The following NR6A1 variants were observed in gnomAD, a reference collection of about 807,000 sequenced individuals.
NR6A1 encodes the protein retinoic acid receptor-related testis-associated receptor.
Under a neutral mutation model 59.1 loss-of-function variants are expected in NR6A1, and 7 were observed. The observed-to-expected ratio is 0.12, with a 90% CI of 0.07 to 0.22. The LOEUF (loss-of-function observed/expected upper bound fraction) is 0.22, where lower values mean the gene tolerates loss of function less well. NR6A1 is among the 10% of genes least tolerant of loss of function. The pLI is 1.00. For missense variants in NR6A1, 468 were observed against 611.6 expected (o/e 0.77, Z 2.48); for synonymous variants, 243 against 236.1 (o/e 1.03, Z -0.27).
Position 124,682,936 on chromosome 9 carries a change from T to G in NR6A1, c.142+50372A>C, listed in dbSNP as rs138622057. ...GACTTGAATCCAAGGACTGGCACAG[T>G]GGCTCATGCCTGTAATCCCAGCATT... is the stretch of plus-strand genomic sequence containing the variant. On this transcript the variant is annotated intron_variant, in intron 2 of 9. Coordinates refer to ENST00000487099, the MANE Select transcript of NR6A1 (RefSeq NM_033334.4). Among the ~76,000 whole-genome samples the G allele has an allele frequency of 5.5e-3, 841 of 152,340 alleles. 7 individuals carry two copies. Among genetic ancestry groups the G allele is most frequent in the African/African-American group, 0.019 (799 of 41,570 alleles).
At chr9:124,555,585 C>T (rs980125256) in intron 2 of NR6A1, among the ~76,000 whole-genome samples, 9 of 152,166 alleles carry the variant, frequency 5.9e-5, no homozygotes, top group Admixed American at 1.3e-4. Flanking sequence ...CACTGCATTC[C>T]AGCCTGAGCG....
chr9:124,716,788 C>T lies in NR6A1; in HGVS notation c.142+16520G>A, dbSNP rs552662982. ...CTGGGATTACAGGCAGGCACCACCACACCCAGCTAATTTTTGTATTTTTAG... is the reference window on the plus strand; with the variant it reads ...CTGGGATTACAGGCAGGCACCACCATACCCAGCTAATTTTTGTATTTTTAG... On this transcript the variant is annotated intron_variant, in intron 2 of 9. Transcript: ENST00000487099. Among the ~76,000 whole-genome samples, 78 of 152,278 alleles carry T rather than the reference C, an allele frequency of 5.1e-4. 1 individual carries two copies. Among genetic ancestry groups the T allele is most frequent in the Non-Finnish European group, 3.1e-4 (21 of 68,024 alleles).
chr9:124,579,183 T>C (rs970530166), intron 2 of NR6A1, among the ~76,000 whole-genome samples: 6 of 152,224 alleles, frequency 3.9e-5, no homozygotes, highest in African/African-American at 1.4e-4. Context: ...CCTGGGAGGC[T>C]TAGGTGGAGG....
At chr9:124,705,241 T>C (rs544597547) in intron 2 of NR6A1, among the ~76,000 whole-genome samples, 7 of 152,342 alleles carry the variant, frequency 4.6e-5, no homozygotes, top group African/African-American at 1.7e-4. Flanking sequence ...ATATTCTTGC[T>C]AATTTCCTAT....
intron 2 of NR6A1, among the ~76,000 whole-genome samples, chr9:124,728,954 G>A (rs996429843): frequency 1.3e-5 from 2 of 152,070 alleles, no homozygotes; most frequent in African/African-American, 4.8e-5. Flanking sequence ...CAAGCAGTTT[G>A]CCTTTGTTGT....
chr9:124,591,450 C>T (rs575379884), intron 2 of NR6A1, among the ~76,000 whole-genome samples: 10 of 152,196 alleles, frequency 6.6e-5, no homozygotes, highest in Non-Finnish European at 8.8e-5. Context: ...AAGCCATATA[C>T]GTAGCCAAGT....
At chr9:124,769,461 C>A (rs1487689566) in intron 1 of NR6A1, among the ~76,000 whole-genome samples, 1 of 152,218 alleles carries the variant, frequency 6.6e-6, no homozygotes, top group Non-Finnish European at 1.5e-5. Context: ...GCTACTCACT[C>A]ATTCAACAAT....
chr9:124,703,520 T>C (rs1839029790), intron 2 of NR6A1, among the ~76,000 whole-genome samples: 1 of 152,040 alleles, frequency 6.6e-6, no homozygotes, highest in African/African-American at 2.4e-5. Context: ...TCCTACCTTT[T>C]AGTGGAATGT....
At position 124,771,256 on chromosome 9, in the gene NR6A1, G is replaced by C; in HGVS notation, c.-137C>G. 2.3e-6 allele frequency: 1 copy of C among 437,370 alleles called. No individual in the cohort carries two copies. Among genetic ancestry groups the C allele is most frequent in the Non-Finnish European group, 3.8e-6 (1 of 262,958 alleles). 27.1% of individuals were successfully genotyped at this position (437,370 alleles called of 1,614,324 possible). ...CCGGCCGCGGCTCTCTCTGGGCCCC[G>C]AGCCGCCCGGCTCCGCGCCGCTCCG... is the stretch of plus-strand genomic sequence containing the variant. On this transcript the variant is annotated 5_prime_UTR_variant, in exon 1 of 10. Coordinates refer to ENST00000487099, the MANE Select transcript of NR6A1 (RefSeq NM_033334.4).
At chr9:124,695,674 G>C (rs188269527) in intron 2 of NR6A1, among the ~76,000 whole-genome samples, 2 of 152,080 alleles carry the variant, frequency 1.3e-5, no homozygotes, top group Non-Finnish European at 2.9e-5. Flanking sequence ...CCGGCCCGAG[G>C]GGGTCTTTAT....
chr9:124,533,938 C>T (rs1472680024), intron 7 of NR6A1, among the ~76,000 whole-genome samples: 1 of 151,824 alleles, frequency 6.6e-6, no homozygotes, highest in East Asian at 1.9e-4. Context: ...GGTGAGCCAC[C>T]GCACCCGGCC....
Position 124,535,942 on chromosome 9 carries a change from G to T in NR6A1, c.1015C>A (p.Gln339Lys). The T allele has an allele frequency of 6.2e-7, 1 of 1,614,216 alleles. No individual in the cohort carries two copies. The highest frequency in any genetic ancestry group is 2.2e-5 in the East Asian group (1 of 44,886). Residue 339 changes from glutamine to lysine, a missense_variant, in exon 7 of 10, where the codon CAG becomes AAG. Physicochemically the swap from Gln to Lys is moderately conservative, Grantham distance 53. This residue lies in a region of NR6A1 where 176 missense variants were observed against 264.0 expected (regional missense o/e 0.67). Coordinates refer to ENST00000487099, the MANE Select transcript of NR6A1 (RefSeq NM_033334.4). ...LLSSLTVYSK[Q>K]IFGELADVTA... ...ACATCAGCCAGTTCCCCAAAGATCT[G>T]CTTGCTGTAAACGGTGAGGGAAGAC... is the stretch of plus-strand genomic sequence containing the variant.
intron 2 of NR6A1, among the ~76,000 whole-genome samples, chr9:124,659,237 G>A (rs1330979347): frequency 6.9e-6 from 1 of 143,952 alleles, no homozygotes; most frequent in Non-Finnish European, 1.5e-5. Context: ...CTGGCCGTTC[G>A]ATAGGCCAGC....
At chr9:124,691,105 GA>G (rs1255932218) in intron 2 of NR6A1, among the ~76,000 whole-genome samples, 1 of 152,128 alleles carries the variant, frequency 6.6e-6, no homozygotes, top group East Asian at 1.9e-4. Context: ...ATTGGACCAA[GA>G]GGAAGACTTT....
At chr9:124,736,495 T>C (rs1840023489) in intron 1 of NR6A1, among the ~76,000 whole-genome samples, 1 of 152,212 alleles carries the variant, frequency 6.6e-6, no homozygotes, top group Admixed American at 6.5e-5. Flanking sequence ...GAATTGACCC[T>C]AACTTTGTTG....
chr9:124,657,172 G>GTGCA (rs1481920839), intron 2 of NR6A1, among the ~76,000 whole-genome samples: 15 of 152,078 alleles, frequency 9.9e-5, no homozygotes, highest in Non-Finnish European at 1.8e-4. Flanking sequence ...ATATCTAATA[G>GTGCA]TGCATCAAAA....
intron 1 of NR6A1, among the ~76,000 whole-genome samples, chr9:124,754,757 G>A (rs1320872254): frequency 6.6e-6 from 1 of 152,086 alleles, no homozygotes; most frequent in Non-Finnish European, 1.5e-5. Flanking sequence ...TGGTAAACTG[G>A]TCTGCTGTAC....
At chr9:124,543,883 G>A (rs1217829358) in intron 3 of NR6A1, 26 bp from the exon 4 acceptor site, 1 of 1,609,298 alleles carries the variant, frequency 6.2e-7, no homozygotes, top group Non-Finnish European at 8.5e-7. Flanking sequence ...AGTCAAGAAA[G>A]GCAGTCAGAA....
chr9:124,585,570 G>C (rs1193789643), intron 2 of NR6A1, among the ~76,000 whole-genome samples: 1 of 125,302 alleles, frequency 8.0e-6, no homozygotes, highest in Non-Finnish European at 1.7e-5. Flanking sequence ...GGGGGGGGGG[G>C]CAAGGTGAAG....
Sources: gnomAD v4.1 joint callset for allele counts (sites outside exome capture counted in the v4.1 genomes callset) on GRCh38, gnomAD v4.1.1 for gene constraint, gnomAD v4.1.1 regional missense constraint, MANE v1.5 for transcripts, NCBI Gene and HGNC (gene_info 2026-07-23, HGNC 2026-07-21) for gene names.